PDGFD: variants seen among roughly 807,000 people sequenced by gnomAD.
The protein encoded by PDGFD is platelet-derived growth factor D.
In PDGFD, 30 loss-of-function variants were observed where a neutral mutation model predicts 44.7. That is an observed-to-expected ratio of 0.67 (90% CI 0.50 to 0.91). The LOEUF (loss-of-function observed/expected upper bound fraction) is 0.91, where lower values mean the gene tolerates loss of function less well. PDGFD is among the 40% of genes least tolerant of loss of function. PDGFD has a pLI of 0.00. For synonymous variants in PDGFD, 173 were observed against 168.4 expected, an observed-to-expected ratio of 1.03 and a Z score of -0.21; for missense variants, 445 against 457.8, an observed-to-expected ratio of 0.97 and a Z score of 0.25.
intron 1 of PDGFD, among the ~76,000 whole-genome samples, chr11:104,111,073 A>C (rs1861547567): frequency 6.6e-6 from 1 of 152,076 alleles, no homozygotes; most frequent in African/African-American, 2.4e-5. Flanking sequence ...AAAGAATTTT[A>C]GGTATTTATT....
chr11:103,970,846 T>C (rs1176435317), intron 3 of PDGFD, among the ~76,000 whole-genome samples: 1 of 152,164 alleles, frequency 6.6e-6, no homozygotes, highest in Non-Finnish European at 1.5e-5. Context: ...AGGCTCTGTA[T>C]CTACAAAGTT....
chr11:104,032,859 A>T (rs1360469676), intron 1 of PDGFD, among the ~76,000 whole-genome samples: 1 of 152,044 alleles, frequency 6.6e-6, no homozygotes, highest in Non-Finnish European at 1.5e-5. Flanking sequence ...ATCAAAAAAA[A>T]TTTAATTATA....
intron 1 of PDGFD, among the ~76,000 whole-genome samples, chr11:104,115,883 T>G (rs1591171442): frequency 6.6e-6 from 1 of 152,164 alleles, no homozygotes; most frequent in East Asian, 1.9e-4. Context: ...TTGATGGGAT[T>G]GTTGGTTTTT....
chr11:103,986,967 C>T lies in PDGFD; in HGVS notation c.510+9098G>A, dbSNP rs533518879. On this transcript the variant is annotated intron_variant, in intron 3 of 6. Transcript: ENST00000393158. ...ATCAATAAACTGGTTCATCTGGCCT[C>T]GTGGTCCGCAACCAGGAACTGACTG... Among the ~76,000 whole-genome samples, 9 of 152,198 alleles carry T rather than the reference C, an allele frequency of 5.9e-5. No individual in the cohort carries two copies. In the South Asian group the frequency reaches 8.3e-4, roughly 14 times the overall value.
chr11:104,011,535 T>C (rs1312169878), intron 1 of PDGFD, among the ~76,000 whole-genome samples: 1 of 152,116 alleles, frequency 6.6e-6, no homozygotes, highest in Admixed American at 6.6e-5. Context: ...TGATTACTGT[T>C]AAATGTAACT....
Position 104,086,628 on chromosome 11 carries a change from A to G in PDGFD, c.124+77176T>C, listed in dbSNP as rs542313145. On this transcript the variant is annotated intron_variant, in intron 1 of 6. Coordinates refer to ENST00000393158, the MANE Select transcript of PDGFD (RefSeq NM_025208.5). ...AGTTAGAAATAAACATAGTCTCAAT[A>G]TCACCCGGTTCAGACCAAAGGATAT... Among the ~76,000 whole-genome samples, 48 of 152,358 alleles carry G rather than the reference A, an allele frequency of 3.2e-4. 1 individual carries two copies. In the South Asian group the frequency reaches 9.1e-3, roughly 29 times the overall value.
At chr11:104,144,463 G>A (rs528395273) in intron 1 of PDGFD, among the ~76,000 whole-genome samples, 55 of 131,520 alleles carry the variant, frequency 4.2e-4, no homozygotes, top group African/African-American at 1.4e-3. Flanking sequence ...CTGAGATTGC[G>A]CCACTGCACT....
chr11:103,911,998 A>G (rs11226063), intron 6 of PDGFD, among the ~76,000 whole-genome samples: 67,838 of 151,794 alleles, frequency 0.45, 15,274 homozygotes, highest in African/African-American at 0.48. Context: ...CCAAATCTAC[A>G]TTTGATTGGT....
intron 1 of PDGFD, among the ~76,000 whole-genome samples, chr11:104,031,998 G>C (rs1160828033): frequency 6.6e-6 from 1 of 152,092 alleles, no homozygotes; most frequent in African/African-American, 2.4e-5. Context: ...TGTCGGGAGA[G>C]GGCAAGGGCA....
intron 1 of PDGFD, among the ~76,000 whole-genome samples, chr11:104,139,140 T>C (rs566925506): frequency 4.8e-4 from 57 of 119,220 alleles, no homozygotes; most frequent in Admixed American, 1.2e-3. Flanking sequence ...TCCCATTTGA[T>C]AATTCATTTA....
At position 103,984,816 on chromosome 11, in the gene PDGFD, T is replaced by G. The variant is rs1859328781; in HGVS notation, c.510+11249A>C. Among the ~76,000 whole-genome samples the G allele has an allele frequency of 2.8e-5, 4 of 143,866 alleles. No individual in the cohort carries two copies. In the South Asian group the frequency reaches 8.4e-4, roughly 30 times the overall value. The allele number at this position is 143,866 out of a possible 152,430, so 94.4% of individuals were successfully genotyped here. A position where few individuals can be genotyped will look rare whatever the true frequency, so the allele number is the denominator to read the frequency against. On this transcript the variant is annotated intron_variant, in intron 3 of 6. Transcript: ENST00000393158. ...ATAATTATATTTAATATATTTATAT[T>G]TATTTAATATATAATATATTAATTT...
At chr11:103,977,485 T>C in intron 3 of PDGFD, among the ~76,000 whole-genome samples, 1 of 152,124 alleles carries the variant, frequency 6.6e-6, no homozygotes, top group Non-Finnish European at 1.5e-5. Context: ...GTCAAAAAGC[T>C]TGTCCACCAT....
rs1857965838 is a variant in PDGFD, at chr11:103,908,106, A to G, written c.*1588T>C. On this transcript the variant is annotated 3_prime_UTR_variant, in exon 7 of 7. Transcript: ENST00000393158. ...CAGCCCTGTCACCCAAACTGGTTGTAGTTAGTAGGACCACAAAGTCACTGA... is the reference window on the plus strand; with the variant it reads ...CAGCCCTGTCACCCAAACTGGTTGTGGTTAGTAGGACCACAAAGTCACTGA... The G allele has an allele frequency of 1.3e-5, 2 of 152,218 alleles. No homozygotes were observed. Among genetic ancestry groups the G allele is most frequent in the South Asian group, 2.1e-4 (1 of 4,826 alleles). 9.4% of individuals were successfully genotyped at this position (152,218 alleles called of 1,614,324 possible).
rs189724168 is a variant in PDGFD at position 104,118,027 on chromosome 11, A to C, written c.124+45777T>G. Among the ~76,000 whole-genome samples the C allele has an allele frequency of 9.9e-5, 15 of 152,092 alleles. No homozygotes were observed. In the East Asian group the frequency reaches 2.9e-3, roughly 29 times the overall value. On this transcript the variant is annotated intron_variant, in intron 1 of 6. Transcript: ENST00000393158. ...ATTTTGTATATTAAGATTGTATCCT[A>C]CAACCTTACTATAACCATTTATTAA...
intron 3 of PDGFD, among the ~76,000 whole-genome samples, chr11:103,962,104 T>C (rs772849348): frequency 3.9e-5 from 6 of 152,096 alleles, no homozygotes; most frequent in Non-Finnish European, 5.9e-5. Flanking sequence ...TGGAAAAAAA[T>C]TGAAGACAAG....
chr11:104,149,778 G>A (rs548715855), intron 1 of PDGFD, among the ~76,000 whole-genome samples: 61 of 152,220 alleles, frequency 4.0e-4, no homozygotes, highest in African/African-American at 1.3e-3. Context: ...CACAAGGCAG[G>A]ACCCAGCCGG....
At chr11:103,915,304 T>C (rs10791652) in intron 6 of PDGFD, among the ~76,000 whole-genome samples, 69,196 of 151,474 alleles carry the variant, frequency 0.46, 15,848 homozygotes, top group South Asian at 0.49. Flanking sequence ...ACGCCAATAA[T>C]AGACAAACAG....
Position 104,027,508 on chromosome 11 carries a change from C to G in PDGFD, c.125-27253G>C, listed in dbSNP as rs186076812. On this transcript the variant is annotated intron_variant, in intron 1 of 6. Transcript: ENST00000393158. ...AATCCTATGGAAAAGAGATTATTGTCATCATCCCCATTTTACATAAGAGGA... is the reference window on the plus strand; with the variant it reads ...AATCCTATGGAAAAGAGATTATTGTGATCATCCCCATTTTACATAAGAGGA... Among the ~76,000 whole-genome samples, 792 of 152,346 alleles carry G rather than the reference C, an allele frequency of 5.2e-3. 3 individuals are homozygous for G. The highest frequency in any genetic ancestry group is 8.5e-3 in the Non-Finnish European group (580 of 68,030).
At chr11:104,140,273 T>A (rs760755460) in intron 1 of PDGFD, among the ~76,000 whole-genome samples, 1 of 152,080 alleles carries the variant, frequency 6.6e-6, no homozygotes, top group African/African-American at 2.4e-5. Context: ...AAAGAGCAAA[T>A]ATAACCATGT....
Sources: gnomAD v4.1 joint callset for allele counts (sites outside exome capture counted in the v4.1 genomes callset) on GRCh38, gnomAD v4.1.1 for gene constraint, MANE v1.5 for transcripts, NCBI Gene and HGNC (gene_info 2026-07-23, HGNC 2026-07-21) for gene names.